NRXN1: variants seen among roughly 807,000 people sequenced by gnomAD.
NRXN1 encodes the protein neurexin 1, also known as neurexin-1.
NRXN1 carries 39 observed loss-of-function variants against 150.9 expected under a neutral mutation model. The ratio of observed to expected loss-of-function variants is 0.26; its 90% CI spans 0.20 to 0.34. The LOEUF is 0.34. NRXN1 is among the 10% of genes least tolerant of loss of function. The pLI is 1.00. For missense variants in NRXN1, 1,815 were observed against 1,949.9 expected (o/e 0.93, Z 1.30); for synonymous variants, 924 against 757.0 (o/e 1.22, Z -3.62).
At position 51,018,266 on chromosome 2, in the gene NRXN1, T is replaced by C. The variant is rs1432120834; in HGVS notation, c.772+9236A>G. 3.9e-5 allele frequency among the ~76,000 whole-genome samples: 6 copies of C among 152,246 alleles called. No individual in the cohort carries two copies. In the East Asian group the frequency reaches 9.7e-4, roughly 25 times the overall value. On this transcript the variant is annotated intron_variant, in intron 2 of 22. Coordinates refer to ENST00000401669, the MANE Select transcript of NRXN1 (RefSeq NM_001330078.2). ...TCTTGGCAGCTCCGCTTTTAACTTT[T>C]GGATTGCCAGATCCCTCCTGGGAAC...
At chr2:50,445,673 T>C (rs2086338470) in intron 17 of NRXN1, among the ~76,000 whole-genome samples, 1 of 152,140 alleles carries the variant, frequency 6.6e-6, no homozygotes, top group African/African-American at 2.4e-5. Flanking sequence ...GAGGAAATAA[T>C]TGCCACAATG....
At chr2:49,965,270 A>G (rs895092999) in intron 21 of NRXN1, among the ~76,000 whole-genome samples, 1 of 151,980 alleles carries the variant, frequency 6.6e-6, no homozygotes, top group Non-Finnish European at 1.5e-5. Flanking sequence ...GGCTATAAAT[A>G]TGTATATATA....
intron 21 of NRXN1, among the ~76,000 whole-genome samples, chr2:50,040,802 T>C (rs1457645107): frequency 1.3e-5 from 2 of 152,224 alleles, no homozygotes; most frequent in African/African-American, 2.4e-5. Context: ...GTATAACTGG[T>C]ATTTGCAATT....
intron 5 of NRXN1, among the ~76,000 whole-genome samples, chr2:50,821,372 G>T (rs745709875): frequency 6.6e-6 from 1 of 152,118 alleles, no homozygotes; most frequent in Non-Finnish European, 1.5e-5. Flanking sequence ...GTGGTGAAGG[G>T]AAACCAAAAG....
At chr2:50,509,454 G>T (rs1053131824) in intron 12 of NRXN1, among the ~76,000 whole-genome samples, 4 of 152,106 alleles carry the variant, frequency 2.6e-5, no homozygotes, top group South Asian at 2.1e-4. Flanking sequence ...CAGAAGAAGG[G>T]ACATCATTTT....
chr2:50,858,700 T>G (rs1466312795), intron 5 of NRXN1, among the ~76,000 whole-genome samples: 1 of 152,158 alleles, frequency 6.6e-6, no homozygotes, highest in Non-Finnish European at 1.5e-5. Context: ...CATCTGAAAT[T>G]TAAACATCTG....
At chr2:50,955,499 A>G (rs1173639325) in intron 2 of NRXN1, among the ~76,000 whole-genome samples, 1 of 152,242 alleles carries the variant, frequency 6.6e-6, no homozygotes, top group Non-Finnish European at 1.5e-5. Context: ...GCAGCTTAAA[A>G]GTAAATTTTA....
rs2077960786 is a variant in NRXN1 at position 50,346,273 on chromosome 2, G to C, written c.3365-109303C>G. Among the ~76,000 whole-genome samples the C allele has an allele frequency of 6.6e-6, 1 of 152,142 alleles. No individual in the cohort carries two copies. The highest frequency in any genetic ancestry group is 1.5e-5 in the Non-Finnish European group (1 of 68,026). On this transcript the variant is annotated intron_variant, in intron 17 of 22. Transcript: ENST00000401669. The surrounding 1 kb of genome is among the most constrained non-coding windows in gnomAD (Gnocchi z 5.0). ...GGGAAGATGGGCAGGAGGTGGGGCA[G>C]CATATACAGCACAGACAAAAGGTTC...
In NRXN1 at chr2:50,302,226, G is replaced by A. The variant is rs143815436; in HGVS notation, c.3365-65256C>T. ...TTTTCTTCTTTCCCCAAGTATCAAGGAATGAATCCTTGAAGTTTCTTTTTT... is the reference window on the plus strand; with the variant it reads ...TTTTCTTCTTTCCCCAAGTATCAAGAAATGAATCCTTGAAGTTTCTTTTTT... On this transcript the variant is annotated intron_variant, in intron 17 of 22. Transcript: ENST00000401669. 7.7e-3 allele frequency among the ~76,000 whole-genome samples: 1,175 copies of A among 152,118 alleles called. 14 individuals carry two copies. The highest frequency in any genetic ancestry group is 0.02 in the Middle Eastern group (6 of 294).
At chr2:50,107,783 C>G (rs1701881143) in intron 18 of NRXN1, among the ~76,000 whole-genome samples, 1 of 151,710 alleles carries the variant, frequency 6.6e-6, no homozygotes, top group Non-Finnish European at 1.5e-5. Context: ...CTAATAAGTT[C>G]TAATTATCAA....
At position 50,495,012 on chromosome 2, in the gene NRXN1, C is replaced by T. The variant is rs554219047; in HGVS notation, c.3070+893G>A. Reference sequence around the variant, plus strand: ...TGCCACTGCACTCCAGCCTGGGTGACGGAGCAAGACTCTGTCTCCAAAAAA... The same window carrying T: ...TGCCACTGCACTCCAGCCTGGGTGATGGAGCAAGACTCTGTCTCCAAAAAA... On this transcript the variant is annotated intron_variant, in intron 15 of 22. Coordinates refer to ENST00000401669, the MANE Select transcript of NRXN1 (RefSeq NM_001330078.2). Among the ~76,000 whole-genome samples the T allele has an allele frequency of 5.2e-4, 75 of 144,876 alleles. 1 individual carries two copies. Among genetic ancestry groups the T allele is most frequent in the African/African-American group, 1.8e-3 (70 of 38,532 alleles).
intron 8 of NRXN1, among the ~76,000 whole-genome samples, chr2:50,560,633 T>C (rs1356748973): frequency 6.6e-6 from 1 of 152,044 alleles, no homozygotes; most frequent in East Asian, 1.9e-4. Context: ...GGTTTCACCA[T>C]TTTGGCCAGG....
chr2:50,273,830 C>T (rs1174807029), intron 17 of NRXN1, among the ~76,000 whole-genome samples: 4 of 152,018 alleles, frequency 2.6e-5, no homozygotes, highest in African/African-American at 9.7e-5. Context: ...AATGACATAC[C>T]ATCTCATGTC....
At chr2:50,910,287 T>C (rs1169912263) in intron 5 of NRXN1, among the ~76,000 whole-genome samples, 1 of 152,066 alleles carries the variant, frequency 6.6e-6, no homozygotes, top group African/African-American at 2.4e-5. Flanking sequence ...CCCAATACTC[T>C]GCCACATGTT....
At chr2:50,672,324 T>C (rs1178135193) in intron 5 of NRXN1, among the ~76,000 whole-genome samples, 1 of 151,946 alleles carries the variant, frequency 6.6e-6, no homozygotes, top group Non-Finnish European at 1.5e-5. Context: ...TTGTTTTTGT[T>C]TGTTTTTTAA....
At chr2:50,586,048 C>T (rs1673043218) in intron 8 of NRXN1, among the ~76,000 whole-genome samples, 2 of 152,168 alleles carry the variant, frequency 1.3e-5, no homozygotes, top group South Asian at 4.1e-4. Context: ...AGCCAAAGTC[C>T]TTCTCAAATT....
intron 5 of NRXN1, among the ~76,000 whole-genome samples, chr2:50,635,696 A>C (rs1313484312): frequency 6.6e-6 from 1 of 152,138 alleles, no homozygotes; most frequent in South Asian, 2.1e-4. Context: ...CTTCATTAAC[A>C]ATATGTTTTA....
intron 5 of NRXN1, among the ~76,000 whole-genome samples, chr2:50,872,093 G>A (rs904869205): frequency 2.6e-5 from 4 of 151,658 alleles, no homozygotes; most frequent in South Asian, 2.1e-4. Flanking sequence ...CACATATTTC[G>A]CCCTCCATTC....
chr2:50,623,765 T>A (rs1680479005), intron 5 of NRXN1, 150 bp from the exon 6 acceptor site: 2 of 575,904 alleles, frequency 3.5e-6, no homozygotes, highest in Non-Finnish European at 6.0e-6. Context: ...AACAGTACTG[T>A]ACAGGGCAGT....
Sources: allele counts gnomAD v4.1 joint callset (sites outside exome capture counted in the v4.1 genomes callset), GRCh38; gene constraint gnomAD v4.1.1; non-coding constraint Gnocchi (gnomAD v3.1); transcripts MANE v1.5; gene names NCBI Gene and HGNC (gene_info 2026-07-23, HGNC 2026-07-21).